The following ACBD6 variants were observed in gnomAD, a reference collection of about 807,000 sequenced individuals.
ACBD6 encodes acyl-CoA-binding domain-containing protein 6.
Under a neutral mutation model 37.2 loss-of-function variants are expected in ACBD6, and 28 were observed. The observed-to-expected ratio is 0.75, with a 90% CI of 0.56 to 1.03. The LOEUF (loss-of-function observed/expected upper bound fraction) is 1.03, where lower values mean the gene tolerates loss of function less well. Ranked by LOEUF, ACBD6 falls within the 50% of genes least tolerant of loss-of-function variation. The pLI is 0.00. For synonymous variants in ACBD6, 113 were observed against 126.8 expected (o/e 0.89, Z 0.73); for missense variants, 340 against 337.4 (o/e 1.01, Z -0.06).
chr1:180,356,369 AC>A (rs1292006068), intron 6 of ACBD6, among the ~76,000 whole-genome samples: 1 of 151,250 alleles, frequency 6.6e-6, no homozygotes, highest in Admixed American at 6.6e-5. Context: ...ATGGGGTTTT[AC>A]CGTGTCGCCC....
chr1:180,449,814 T>C (rs1649630259), intron 3 of ACBD6, among the ~76,000 whole-genome samples: 1 of 150,046 alleles, frequency 6.7e-6, no homozygotes, highest in African/African-American at 2.5e-5. Flanking sequence ...CTAATGCAAA[T>C]GACAAGTTAA....
intron 4 of ACBD6, among the ~76,000 whole-genome samples, chr1:180,413,833 G>A (rs1647964891): frequency 6.6e-6 from 1 of 152,050 alleles, no homozygotes; most frequent in African/African-American, 2.4e-5. Flanking sequence ...GAAAAGCTGG[G>A]AAGCATACTA....
In ACBD6 at chr1:180,288,259, C is replaced by T. The variant is rs539394868; in HGVS notation, c.*104G>A. ...AGTTCCACAGAACTGATTTTATTAG[C>T]CAATACATACCAAAGACGGGTGGAA... is the stretch of plus-strand genomic sequence containing the variant. On this transcript the variant is annotated 3_prime_UTR_variant, in exon 8 of 8. Coordinates refer to ENST00000367595, the MANE Select transcript of ACBD6 (RefSeq NM_032360.4). The T allele has an allele frequency of 2.2e-5, 33 of 1,501,146 alleles. 1 individual carries two copies. In the East Asian group the frequency reaches 6.9e-4, roughly 31 times the overall value. 93.0% of individuals were successfully genotyped at this position (1,501,146 alleles called of 1,614,324 possible).
intron 3 of ACBD6, among the ~76,000 whole-genome samples, chr1:180,446,671 G>GT (rs1571522691): frequency 6.6e-6 from 1 of 152,092 alleles, no homozygotes; most frequent in African/African-American, 2.4e-5. Flanking sequence ...CTCCATAAAC[G>GT]TATGTTTTTA....
chr1:180,314,762 A>T (rs370744084), intron 6 of ACBD6, 40 bp from the exon 7 acceptor site: 32 of 1,442,262 alleles, frequency 2.2e-5, no homozygotes, highest in Non-Finnish European at 3.0e-5. Flanking sequence ...AAGTCTAAGT[A>T]ATTGCAAAAG....
exon 14 of ACBD6, chr1:180,271,682 C>T: frequency 1.5e-6 from 2 of 1,309,972 alleles, no homozygotes; most frequent in Non-Finnish European, 1.1e-6. Context: ...GTTCTGAGGC[C>T]CACCTGGGGA....
intron 3 of ACBD6, among the ~76,000 whole-genome samples, chr1:180,448,808 C>T (rs1478901747): frequency 6.6e-6 from 1 of 152,142 alleles, no homozygotes; most frequent in Non-Finnish European, 1.5e-5. Flanking sequence ...ATGCCAATGC[C>T]ACACAAATCT....
intron 6 of ACBD6, among the ~76,000 whole-genome samples, chr1:180,332,230 C>T (rs925571539): frequency 5.3e-5 from 8 of 152,096 alleles, no homozygotes; most frequent in African/African-American, 1.7e-4. Flanking sequence ...AAATTAATAC[C>T]CCACATCAGT....
intron 4 of ACBD6, among the ~76,000 whole-genome samples, chr1:180,429,176 G>C (rs376717643): frequency 7.9e-5 from 12 of 152,202 alleles, no homozygotes; most frequent in African/African-American, 2.9e-4. Context: ...TCACACTGTT[G>C]TGCAATCCCC....
At chr1:180,492,130 A>T in intron 3 of ACBD6, 139 bp downstream of exon 3, 1 of 700,426 alleles carries the variant, frequency 1.4e-6, no homozygotes, top group South Asian at 1.8e-5. Flanking sequence ...TATTAGATAA[A>T]TATTACAATA....
exon 14 of ACBD6, chr1:180,271,066 A>T: frequency 2.3e-6 from 1 of 427,336 alleles, no homozygotes; most frequent in Non-Finnish European, 4.4e-6. Context: ...TTGTCATGAC[A>T]GGGACGTGTG....
chr1:180,472,465 T>C (rs991523659), intron 3 of ACBD6, among the ~76,000 whole-genome samples: 5 of 152,104 alleles, frequency 3.3e-5, no homozygotes, highest in African/African-American at 1.2e-4. Flanking sequence ...GAGAGAAACT[T>C]CCCCAATTTA....
chr1:180,294,528 A>G (rs925339920), intron 7 of ACBD6, among the ~76,000 whole-genome samples: 2 of 151,976 alleles, frequency 1.3e-5, no homozygotes, highest in Non-Finnish European at 2.9e-5. Context: ...TGGGTGACTG[A>G]GACCCTGACT....
chr1:180,318,543 T>G (rs1650925805), intron 6 of ACBD6, among the ~76,000 whole-genome samples: 1 of 152,202 alleles, frequency 6.6e-6, no homozygotes, highest in Non-Finnish European at 1.5e-5. Context: ...TCCAGAATAA[T>G]TTTGCTTTTG....
intron 7 of ACBD6, among the ~76,000 whole-genome samples, chr1:180,300,409 T>G (rs1230160256): frequency 1.3e-5 from 2 of 152,162 alleles, no homozygotes; most frequent in Non-Finnish European, 2.9e-5. Flanking sequence ...TATTATTACA[T>G]GCAAGACTGT....
chr1:180,455,370 G>C (rs1032039180), intron 3 of ACBD6, among the ~76,000 whole-genome samples: 2 of 152,024 alleles, frequency 1.3e-5, no homozygotes, highest in African/African-American at 4.8e-5. Flanking sequence ...AGGGCCTATC[G>C]GGGGTTGGGG....
Position 180,272,033 on chromosome 1 carries a change from G to A in ACBD6, c.*1254-62C>T, listed in dbSNP as rs368258723. 20 of 1,596,124 alleles carry A rather than the reference G, an allele frequency of 1.3e-5. No individual in the cohort carries two copies. In the African/African-American group the frequency reaches 1.9e-4, roughly 15 times the overall value. On this transcript the variant is annotated intron_variant, in intron 13 of 13. Coordinates refer to the ACBD6 transcript ENST00000642319. ...TGAGCAGGGCTGGAGGGGCCAGGCC[G>A]AGGCCTTAGGAAAGTCCCCTGGGAA...
intron 3 of ACBD6, among the ~76,000 whole-genome samples, chr1:180,444,423 C>A (rs912831101): frequency 6.6e-6 from 1 of 152,070 alleles, no homozygotes; most frequent in East Asian, 1.9e-4. Flanking sequence ...TGCACAAATA[C>A]ACATGTTAGA....
chr1:180,452,054 T>C (rs777271451), intron 3 of ACBD6, among the ~76,000 whole-genome samples: 11 of 152,084 alleles, frequency 7.2e-5, no homozygotes, highest in Non-Finnish European at 1.3e-4. Context: ...TTGAAAACAG[T>C]GAGAACAAAG....
Sources: gnomAD v4.1 joint callset for allele counts (sites outside exome capture counted in the v4.1 genomes callset) on GRCh38, gnomAD v4.1.1 for gene constraint, MANE v1.5 for transcripts, NCBI Gene and HGNC (gene_info 2026-07-23, HGNC 2026-07-21) for gene names.